Variants in WWOX observed in about 807,000 individuals in gnomAD.
WWOX encodes WW domain-containing oxidoreductase.
Under a neutral mutation model 46.2 loss-of-function variants are expected in WWOX, and 69 were observed. The ratio of observed to expected loss-of-function variants is 1.49; its 90% CI spans 1.23 to 1.82. The LOEUF (loss-of-function observed/expected upper bound fraction) is 1.82, where lower values mean the gene tolerates loss of function less well. Ranked by LOEUF, WWOX falls within the 40% of genes most tolerant of loss-of-function variation. The pLI is 0.00. For synonymous variants in WWOX, 359 were observed against 202.6 expected (o/e 1.77, Z -6.56); for missense variants, 919 against 542.6 (o/e 1.69, Z -6.89).
Position 78,358,609 on chromosome 16 carries a change from G to C in WWOX, c.517-28251G>C, listed in dbSNP as rs111309027. 2.6e-3 allele frequency among the ~76,000 whole-genome samples: 389 copies of C among 152,204 alleles called. 2 individuals are homozygous for C. The highest frequency in any genetic ancestry group is 9.1e-3 in the African/African-American group (379 of 41,506). ...GGAAGTGGAGTTTGCAGTGAGCCGA[G>C]ATAGTTCTACTGCACTCCAGCCTGA... On this transcript the variant is annotated intron_variant, in intron 5 of 8. Transcript: ENST00000566780.
At chr16:78,901,481 G>C (rs115114380) in intron 8 of WWOX, among the ~76,000 whole-genome samples, 2,182 of 152,110 alleles carry the variant, frequency 0.014, 41 homozygotes, top group African/African-American at 0.05. Context: ...GTAGCTGGTA[G>C]TCAGTGTTCT....
intron 8 of WWOX, among the ~76,000 whole-genome samples, chr16:79,024,652 G>A (rs918614872): frequency 6.6e-6 from 1 of 151,928 alleles, no homozygotes; most frequent in African/African-American, 2.4e-5. Context: ...AGCCAGGATG[G>A]TCTTCATCTC....
intron 8 of WWOX, among the ~76,000 whole-genome samples, chr16:78,683,741 G>A (rs1300655385): frequency 1.1e-4 from 16 of 152,062 alleles, no homozygotes. Context: ...GGTCTTCAGG[G>A]ACTTGTGGGC....
intron 8 of WWOX, among the ~76,000 whole-genome samples, chr16:78,666,159 C>G (rs1010194175): frequency 8.6e-5 from 13 of 151,946 alleles, no homozygotes; most frequent in African/African-American, 2.9e-4. Context: ...TGGTGGTGTG[C>G]CACAGTAGTC....
intron 5 of WWOX, among the ~76,000 whole-genome samples, chr16:78,307,321 G>A (rs1038214339): frequency 6.6e-6 from 1 of 152,158 alleles, no homozygotes; most frequent in African/African-American, 2.4e-5. Flanking sequence ...GTTGCTTTAT[G>A]TGGCAAAAAG....
intron 8 of WWOX, among the ~76,000 whole-genome samples, chr16:78,646,435 AT>A (rs559139931): frequency 1.4e-3 from 211 of 149,864 alleles, no homozygotes; most frequent in African/African-American, 4.7e-3. Flanking sequence ...ATATATTTTA[AT>A]TTTTTTTTTG....
At chr16:78,992,426 C>T (rs1263873588) in intron 8 of WWOX, among the ~76,000 whole-genome samples, 1 of 152,112 alleles carries the variant, frequency 6.6e-6, no homozygotes, top group Non-Finnish European at 1.5e-5. Flanking sequence ...CAGATTGCGC[C>T]TCTGCACTCC....
chr16:78,587,650 G>A (rs960193945), intron 8 of WWOX, among the ~76,000 whole-genome samples: 2 of 152,116 alleles, frequency 1.3e-5, no homozygotes, highest in African/African-American at 4.8e-5. Flanking sequence ...TGAGGAATTG[G>A]GTGTGGGGAG....
intron 8 of WWOX, among the ~76,000 whole-genome samples, chr16:78,511,833 G>T (rs887084224): frequency 2.0e-5 from 3 of 152,208 alleles, no homozygotes; most frequent in Non-Finnish European, 4.4e-5. Context: ...AGAAGGGTCT[G>T]CTGGAATGAG....
chr16:78,959,871 C>G (rs997192825), intron 8 of WWOX, among the ~76,000 whole-genome samples: 1 of 152,150 alleles, frequency 6.6e-6, no homozygotes, highest in Non-Finnish European at 1.5e-5. Flanking sequence ...TCTGGAGAGT[C>G]TGATTTAATT....
At chr16:79,027,309 A>G in intron 8 of WWOX, among the ~76,000 whole-genome samples, 1 of 148,990 alleles carries the variant, frequency 6.7e-6, no homozygotes, top group East Asian at 2.0e-4. Flanking sequence ...GAGATGGTGG[A>G]GTGGTGACAT....
intron 8 of WWOX, among the ~76,000 whole-genome samples, chr16:78,763,184 C>T (rs1443857440): frequency 6.6e-6 from 1 of 152,214 alleles, no homozygotes; most frequent in Non-Finnish European, 1.5e-5. Flanking sequence ...ATTGTTCAAG[C>T]AGTTGGCGTA....
At chr16:78,447,994 G>C (rs2083600980) in intron 8 of WWOX, among the ~76,000 whole-genome samples, 1 of 152,088 alleles carries the variant, frequency 6.6e-6, no homozygotes, top group Non-Finnish European at 1.5e-5. Context: ...AGTGGAGACA[G>C]GGTTTCACCA....
intron 8 of WWOX, among the ~76,000 whole-genome samples, chr16:79,054,297 C>G (rs1205758972): frequency 6.6e-6 from 1 of 152,058 alleles, no homozygotes; most frequent in Non-Finnish European, 1.5e-5. Context: ...TTAGTTAGGC[C>G]CGCAAAACAT....
intron 4 of WWOX, among the ~76,000 whole-genome samples, chr16:78,148,208 A>G (rs1005392258): frequency 1.3e-5 from 2 of 152,206 alleles, no homozygotes; most frequent in African/African-American, 4.8e-5. Flanking sequence ...AAATCTTTCT[A>G]CTTCTAAACA....
At chr16:78,518,756 C>T (rs573282386) in intron 8 of WWOX, among the ~76,000 whole-genome samples, 1 of 152,122 alleles carries the variant, frequency 6.6e-6, no homozygotes, top group African/African-American at 2.4e-5. Flanking sequence ...CAGAACAAGG[C>T]CAGCTTCCTA....
intron 8 of WWOX, among the ~76,000 whole-genome samples, chr16:78,508,872 A>C (rs2085284756): frequency 6.6e-6 from 1 of 151,818 alleles, no homozygotes; most frequent in Non-Finnish European, 1.5e-5. Flanking sequence ...AAACCTACCA[A>C]CTCTTTTCAG....
At chr16:78,702,059 G>C (rs1195723434) in intron 8 of WWOX, among the ~76,000 whole-genome samples, 1 of 84,712 alleles carries the variant, frequency 1.2e-5, no homozygotes, top group Non-Finnish European at 2.2e-5. Context: ...TAATGCAGAA[G>C]TTTTATATAT....
chr16:79,153,270 C>T (rs1252855661), intron 8 of WWOX, among the ~76,000 whole-genome samples: 1 of 152,114 alleles, frequency 6.6e-6, no homozygotes, highest in Admixed American at 6.5e-5. Context: ...ACCTGACTTC[C>T]TTTCTCCAGC....
Sources: allele counts gnomAD v4.1 joint callset (sites outside exome capture counted in the v4.1 genomes callset), GRCh38; gene constraint gnomAD v4.1.1; transcripts MANE v1.5; gene names NCBI Gene and HGNC (gene_info 2026-07-23, HGNC 2026-07-21).